The following TRIM9 variants were observed in gnomAD, a reference collection of about 807,000 sequenced individuals.
TRIM9 encodes tripartite motif containing 9.
In TRIM9, 26 loss-of-function variants were observed where a neutral mutation model predicts 78.3. The ratio of observed to expected loss-of-function variants is 0.33; its 90% CI spans 0.24 to 0.46. The LOEUF is 0.46. Ranked by LOEUF, TRIM9 falls within the 20% of genes least tolerant of loss-of-function variation. The pLI, the probability that TRIM9 is intolerant of heterozygous loss-of-function variation, is 1.00. For missense variants in TRIM9, 787 were observed against 1,036.4 expected, an observed-to-expected ratio of 0.76 and a Z score of 3.30; for synonymous variants, 398 against 416.5, an observed-to-expected ratio of 0.96 and a Z score of 0.54.
At chr14:51,018,589 A>G (rs1029454560) in intron 3 of TRIM9, among the ~76,000 whole-genome samples, 1 of 152,210 alleles carries the variant, frequency 6.6e-6, no homozygotes, top group Admixed American at 6.5e-5. Flanking sequence ...AAGAATGATA[A>G]TTATTCTAAC....
chr14:50,982,842 C>T, intron 10 of TRIM9, 100 bp downstream of exon 10: 2 of 1,133,848 alleles, frequency 1.8e-6, no homozygotes, highest in Non-Finnish European at 2.5e-6. Flanking sequence ...CTATAAATAT[C>T]ACACTCGAGA....
Position 50,986,612 on chromosome 14 carries a change from C to T in TRIM9, c.1604-468G>A, listed in dbSNP as rs1283514339. Among the ~76,000 whole-genome samples, 4 of 152,046 alleles carry T rather than the reference C, an allele frequency of 2.6e-5. No homozygotes were observed. In the East Asian group the frequency reaches 7.7e-4, roughly 29 times the overall value. Reference sequence around the variant, plus strand: ...AAACTGTTTCCTATTCCATATTTTCCCATTTCTCTCCTAATGTGTATTTTT... The same window carrying T: ...AAACTGTTTCCTATTCCATATTTTCTCATTTCTCTCCTAATGTGTATTTTT... On this transcript the variant is annotated intron_variant, in intron 7 of 12. Coordinates refer to ENST00000684578, the MANE Select transcript of TRIM9 (RefSeq NM_001387360.1).
At chr14:51,048,877 G>A (rs552843280) in intron 1 of TRIM9, among the ~76,000 whole-genome samples, 28 of 151,834 alleles carry the variant, frequency 1.8e-4, no homozygotes, top group African/African-American at 6.3e-4. Context: ...CCAGCTACTC[G>A]GGAGGCTGAG....
chr14:50,997,932 G>T, intron 7 of TRIM9, 118 bp downstream of exon 7: 2 of 1,526,316 alleles, frequency 1.3e-6, no homozygotes, highest in South Asian at 2.6e-5. Flanking sequence ...GCAGAATGCA[G>T]AGCAAGTCAT....
chr14:51,022,986 C>T (rs1243547082), intron 2 of TRIM9, 29 bp from the exon 3 acceptor site: 2 of 1,612,246 alleles, frequency 1.2e-6, no homozygotes, highest in East Asian at 2.2e-5. Context: ...TTCTCAACTG[C>T]AAGCTGCTGG....
chr14:50,982,954 T>C lies in TRIM9; in HGVS notation c.1846A>G (p.Lys616Glu). The C allele has an allele frequency of 6.5e-7, 1 of 1,548,988 alleles. No individual in the cohort carries two copies. Among genetic ancestry groups the C allele is most frequent in the Non-Finnish European group, 8.7e-7 (1 of 1,145,634 alleles). The change falls in exon 10 of 13, where the codon AAG becomes GAG. Residue 616 changes from lysine (K) to glutamate (E), a missense_variant. Transcript: ENST00000684578. The stretch of plus-strand genomic sequence containing the variant: ...GGTTATTCCATACCTGCCAACAGCT[T>C]TTTAATGTCAACTGTTGTCATTCCA... ...APYSQLVDIK[K>E]LLAVAWFAFD...
At chr14:51,010,135 A>AG (rs567260482) in intron 4 of TRIM9, among the ~76,000 whole-genome samples, 26 of 151,588 alleles carry the variant, frequency 1.7e-4, no homozygotes, top group African/African-American at 5.3e-4. Context: ...GAAGCGAAAA[A>AG]AAAAAGAAAA....
chr14:51,054,694 C>A (rs2060745695), intron 1 of TRIM9, among the ~76,000 whole-genome samples: 1 of 152,190 alleles, frequency 6.6e-6, no homozygotes, highest in African/African-American at 2.4e-5. Flanking sequence ...CTGCCTCAGC[C>A]TCCGGAGTAG....
At chr14:50,999,061 C>A (rs1172378258) in intron 6 of TRIM9, among the ~76,000 whole-genome samples, 1 of 152,130 alleles carries the variant, frequency 6.6e-6, no homozygotes, top group Non-Finnish European at 1.5e-5. Flanking sequence ...TATGAATCAC[C>A]TGAGGATCTT....
intron 7 of TRIM9, among the ~76,000 whole-genome samples, chr14:50,988,837 C>T (rs992846756): frequency 2.6e-5 from 4 of 152,220 alleles, no homozygotes; most frequent in East Asian, 1.9e-4. Flanking sequence ...TCATCTATAC[C>T]ACTTCACATT....
intron 1 of TRIM9, among the ~76,000 whole-genome samples, chr14:51,035,306 T>TA (rs2059046167): frequency 6.6e-6 from 1 of 152,136 alleles, no homozygotes; most frequent in African/African-American, 2.4e-5. Context: ...ATTTCTTAAA[T>TA]AAAAAAGCCT....
intron 8 of TRIM9, among the ~76,000 whole-genome samples, chr14:50,983,807 T>C (rs2052324227): frequency 6.6e-6 from 1 of 152,252 alleles, no homozygotes; most frequent in African/African-American, 2.4e-5. Context: ...CTCACTATTC[T>C]ATGCACTTCT....
At position 51,095,073 on chromosome 14, in the gene TRIM9, T is replaced by A; in HGVS notation, c.-134A>T. 1 of 571,146 alleles carries A rather than the reference T, an allele frequency of 1.8e-6. No homozygotes were observed. Among genetic ancestry groups the A allele is most frequent in the Non-Finnish European group, 2.7e-6 (1 of 371,142 alleles). 35.4% of individuals were successfully genotyped at this position (571,146 alleles called of 1,614,324 possible). On this transcript the variant is annotated 5_prime_UTR_variant, in exon 1 of 13. Coordinates refer to ENST00000684578, the MANE Select transcript of TRIM9 (RefSeq NM_001387360.1). ...GTGGTGGTGCCTTCCCGCGCAGCAC[T>A]GGCACGGACACCCAGAGAGGCGCTA...
chr14:51,057,784 T>A (rs1011172966), intron 1 of TRIM9, among the ~76,000 whole-genome samples: 1 of 152,154 alleles, frequency 6.6e-6, no homozygotes, highest in African/African-American at 2.4e-5. Flanking sequence ...GAAAAGTAGG[T>A]CAAGCTTATA....
intron 1 of TRIM9, among the ~76,000 whole-genome samples, chr14:51,084,034 C>T (rs2063542295): frequency 6.6e-6 from 1 of 151,902 alleles, no homozygotes; most frequent in African/African-American, 2.4e-5. Context: ...TATTAGAAGC[C>T]TTCATTTTCT....
chr14:51,058,768 C>T (rs1249870759), intron 1 of TRIM9, among the ~76,000 whole-genome samples: 3 of 152,198 alleles, frequency 2.0e-5, no homozygotes, highest in Admixed American at 1.3e-4. Context: ...TATGGTGTGA[C>T]TCACTATCAC....
intron 5 of TRIM9, among the ~76,000 whole-genome samples, chr14:51,001,869 C>G (rs994647706): frequency 1.3e-5 from 2 of 152,128 alleles, no homozygotes; most frequent in African/African-American, 4.8e-5. Context: ...GAGCCTGGTG[C>G]GTGGACTAGG....
At chr14:51,063,928 A>G (rs910109561) in intron 1 of TRIM9, among the ~76,000 whole-genome samples, 2 of 152,132 alleles carry the variant, frequency 1.3e-5, no homozygotes, top group Admixed American at 6.5e-5. Context: ...GCATAAATAC[A>G]TATATGTGTG....
chr14:51,067,203 A>G (rs927631262), intron 1 of TRIM9, among the ~76,000 whole-genome samples: 3 of 152,200 alleles, frequency 2.0e-5, no homozygotes, highest in African/African-American at 7.2e-5. Flanking sequence ...ATCTTAATAC[A>G]TAGTGCCATT....
Sources: allele counts gnomAD v4.1 joint callset (sites outside exome capture counted in the v4.1 genomes callset), GRCh38; gene constraint gnomAD v4.1.1; transcripts MANE v1.5; gene names NCBI Gene and HGNC (gene_info 2026-07-23, HGNC 2026-07-21).